ZNF333: variants seen among roughly 807,000 people sequenced by gnomAD.
ZNF333 encodes zinc finger protein 333.
ZNF333 carries 61 observed loss-of-function variants against 76.1 expected under a neutral mutation model. The ratio of observed to expected loss-of-function variants is 0.80; its 90% CI spans 0.65 to 0.99. The LOEUF is 0.99. Ranked by LOEUF, ZNF333 falls within the 50% of genes least tolerant of loss-of-function variation. The pLI is 0.00. For missense variants in ZNF333, 717 were observed against 822.4 expected, an observed-to-expected ratio of 0.87 and a Z score of 1.57; for synonymous variants, 284 against 305.0, an observed-to-expected ratio of 0.93 and a Z score of 0.72.
intron 7 of ZNF333, among the ~76,000 whole-genome samples, chr19:14,714,569 A>C (rs1192163567): frequency 6.6e-6 from 1 of 152,078 alleles, no homozygotes; most frequent in Non-Finnish European, 1.5e-5. Flanking sequence ...GTTTTAAGCC[A>C]CTCAGTTTGT....
At chr19:14,698,893 AATATAGATATATATATATATATAT>A (rs1973439234) in intron 4 of ZNF333, among the ~76,000 whole-genome samples, 1 of 113,112 alleles carries the variant, frequency 8.8e-6, no homozygotes, top group African/African-American at 3.7e-5. Flanking sequence ...CACACACACA[AATATAGATATATATATATATATAT>A]ATATATATAT....
At chr19:14,707,937 G>A (rs2042163230) in intron 7 of ZNF333, 2 of 401,092 alleles carry the variant, frequency 5.0e-6, no homozygotes, top group Non-Finnish European at 4.4e-6. Context: ...TTAGATCTAA[G>A]TCTTGTGTTG....
intron 5 of ZNF333, among the ~76,000 whole-genome samples, chr19:14,703,465 A>G (rs2042022341): frequency 6.6e-6 from 1 of 152,196 alleles, no homozygotes; most frequent in Non-Finnish European, 1.5e-5. Flanking sequence ...CCTGTGTCAA[A>G]ATGATTCTGA....
At chr19:14,725,420 A>C (rs925986600), downstream of ZNF333, among the ~76,000 whole-genome samples, 2 of 152,138 alleles carry the variant, frequency 1.3e-5, no homozygotes, top group African/African-American at 4.8e-5. Context: ...AAATACAATC[A>C]TCCCTTCTAA....
At chr19:14,701,842 G>A (rs1350696094) in intron 5 of ZNF333, 146 of 985,430 alleles carry the variant, frequency 1.5e-4, no homozygotes, top group Non-Finnish European at 1.7e-4. Context: ...ATGGACACAC[G>A]TTTAGAGAAG....
At chr19:14,703,063 G>A (rs1237729622) in intron 5 of ZNF333, among the ~76,000 whole-genome samples, 3 of 151,980 alleles carry the variant, frequency 2.0e-5, no homozygotes, top group Admixed American at 6.6e-5. Context: ...AATTAGCCGG[G>A]CGTGGTGGCG....
At chr19:14,726,594 C>G (rs1224728969), downstream of ZNF333, among the ~76,000 whole-genome samples, 1 of 152,170 alleles carries the variant, frequency 6.6e-6, no homozygotes, top group African/African-American at 2.4e-5. Flanking sequence ...AGCAGCCGTG[C>G]CTCTCCTTGA....
Position 14,717,786 on chromosome 19 carries a change from G to T in ZNF333, c.900+53G>T, listed in dbSNP as rs1000693450. On this transcript the variant is annotated intron_variant, in intron 11 of 11. Coordinates refer to ENST00000292530, the MANE Select transcript of ZNF333 (RefSeq NM_032433.4). ...TTCTCTATAGTAGGATGAGTCTGGG[G>T]TTAACCGTAAGTTAGAAAAGCAGCC... The T allele has an allele frequency of 3.2e-6, 5 of 1,564,148 alleles. No individual in the cohort carries two copies. The African/African-American group carries it at 6.8e-5, about 21-fold the overall frequency.
At chr19:14,723,118 G>C (rs1026379094), downstream of ZNF333, among the ~76,000 whole-genome samples, 13 of 152,266 alleles carry the variant, frequency 8.5e-5, no homozygotes, top group East Asian at 2.5e-3. Flanking sequence ...TAAGAAAAGA[G>C]TCCAACTTCA....
chr19:14,701,695 C>T, intron 5 of ZNF333: 1 of 985,456 alleles, frequency 1.0e-6, no homozygotes, highest in Non-Finnish European at 1.2e-6. Flanking sequence ...CAGTGCCCTC[C>T]ACAGAACTCC....
chr19:14,703,709 C>T (rs1198709013), intron 5 of ZNF333, among the ~76,000 whole-genome samples: 1 of 152,118 alleles, frequency 6.6e-6, no homozygotes, highest in Non-Finnish European at 1.5e-5. Context: ...CAGGATTTGT[C>T]AGTTTGAATA....
chr19:14,728,344 C>T (rs1334942793), intron 11 of ZNF333, among the ~76,000 whole-genome samples: 1 of 152,222 alleles, frequency 6.6e-6, no homozygotes, highest in African/African-American at 2.4e-5. Flanking sequence ...CTTAGTGTCT[C>T]TTCTTATGCT....
chr19:14,708,415 C>CA, intron 7 of ZNF333: 1 of 401,246 alleles, frequency 2.5e-6, no homozygotes, highest in Middle Eastern at 3.1e-4. Flanking sequence ...CCGTGGAGCT[C>CA]ACGGTCAGCT....
chr19:14,701,221 G>A (rs545511354), intron 5 of ZNF333, among the ~76,000 whole-genome samples: 1 of 152,264 alleles, frequency 6.6e-6, no homozygotes, highest in African/African-American at 2.4e-5. Context: ...CCTCATTACA[G>A]AACATCCTTT....
chr19:14,716,946 G>T, intron 9 of ZNF333, 48 bp from the exon 10 acceptor site: 2 of 1,544,386 alleles, frequency 1.3e-6, no homozygotes, highest in South Asian at 2.3e-5. Context: ...CCTGGTGTCA[G>T]GGCATGGCAC....
At chr19:14,725,650 T>A (rs117863960), downstream of ZNF333, among the ~76,000 whole-genome samples, 2 of 152,224 alleles carry the variant, frequency 1.3e-5, no homozygotes, top group East Asian at 3.8e-4. Flanking sequence ...ACAGACCTCA[T>A]GCAAGTTGTA....
chr19:14,720,678 A>G lies in ZNF333; in HGVS notation c.*1353A>G. On this transcript the variant is annotated 3_prime_UTR_variant, in exon 12 of 12. Transcript: ENST00000292530. Reference sequence around the variant, plus strand: ...CTAACTGATGCACTTAGTATATGTCAGTTTTTATAAATGCTTCATGGATGG... The same window carrying G: ...CTAACTGATGCACTTAGTATATGTCGGTTTTTATAAATGCTTCATGGATGG... The G allele has an allele frequency of 1.0e-6, 1 of 985,386 alleles. No individual in the cohort carries two copies. The highest frequency in any genetic ancestry group is 1.2e-6 in the Non-Finnish European group (1 of 829,920). 61.0% of individuals were successfully genotyped at this position (985,386 alleles called of 1,614,324 possible).
At chr19:14,694,972 G>A (rs765264860) in intron 2 of ZNF333, 38 bp from the exon 3 acceptor site, 2 of 1,613,614 alleles carry the variant, frequency 1.2e-6, no homozygotes, top group South Asian at 1.1e-5. Flanking sequence ...AGTGGTGGGG[G>A]TGGTATTTGC....
In ZNF333 at chr19:14,718,350, AG is replaced by A; in HGVS notation, c.1024del (p.Glu342ArgfsTer12). 6.2e-7 allele frequency: 1 copy of A among 1,614,238 alleles called. No individual in the cohort carries two copies. The highest frequency in any genetic ancestry group is 8.5e-7 in the Non-Finnish European group (1 of 1,180,038). On this transcript the variant is annotated frameshift_variant, in exon 12 of 12. Transcript: ENST00000292530. LOFTEE classifies it high-confidence loss of function. Reference protein sequence around the residue: ...HAGEASCECQEIRNSFFQSAH... With the variant: ...HAGEASCECQXIRNSFFQSAH... ...CTGGAGAGGCATCCTGTGAATGTCA[AG>A]AGATTAGAAATTCCTTCTTCCAGAG...
Sources: allele counts gnomAD v4.1 joint callset (sites outside exome capture counted in the v4.1 genomes callset), GRCh38; gene constraint gnomAD v4.1.1; transcripts MANE v1.5; gene names NCBI Gene and HGNC (gene_info 2026-07-23, HGNC 2026-07-21).